The following ATG13 variants were observed in gnomAD, a reference collection of about 807,000 sequenced individuals.
ATG13 encodes autophagy related 13.
In ATG13, 23 loss-of-function variants were observed where a neutral mutation model predicts 65.5. The ratio of observed to expected loss-of-function variants is 0.35; its 90% confidence interval spans 0.25 to 0.50. The LOEUF (loss-of-function observed/expected upper bound fraction) is 0.50, where lower values mean the gene tolerates loss of function less well. Among genes scored for constraint, ATG13 ranks in the 20% least tolerant of loss-of-function variants. The pLI, the probability that ATG13 is intolerant of heterozygous loss-of-function variation, is 0.98. For synonymous variants in ATG13, 252 were observed against 245.2 expected (o/e 1.03, Z -0.26); for missense variants, 566 against 677.0 (o/e 0.84, Z 1.82).
chr11:46,634,046 G>T (rs538559811), intron 2 of ATG13, among the ~76,000 whole-genome samples: 1 of 151,904 alleles, frequency 6.6e-6, no homozygotes, highest in Non-Finnish European at 1.5e-5. Context: ...GCCTCTGATC[G>T]CCTTTTTGAA....
At position 46,649,098 on chromosome 11, in the gene ATG13, A is replaced by C. The variant is rs774128345; in HGVS notation, c.271-39A>C. 1.9e-6 allele frequency: 3 copies of C among 1,581,132 alleles called. No individual in the cohort carries two copies. The African/African-American group carries it at 4.1e-5, about 22-fold the overall frequency. On this transcript the variant is annotated intron_variant, in intron 5 of 18. Transcript: ENST00000683050. ...TGACTGTAATGCTTTGAAATTAAAA[A>C]TTTTTTAAACAAATATTTTAAATTT...
rs1419605730 is a variant in ATG13 at position 46,630,039 on chromosome 11, C to G, written c.-69-6C>G. ...TATTCACAGTCATGATCATATTTCTCTACAGCATCTTGGACTCAAGTGATT... is the reference window on the plus strand; with the variant it reads ...TATTCACAGTCATGATCATATTTCTGTACAGCATCTTGGACTCAAGTGATT... On this transcript the variant is annotated splice_polypyrimidine_tract_variant and splice_region_variant and intron_variant, in intron 1 of 18. Transcript: ENST00000683050. The G allele has an allele frequency of 6.6e-6, 1 of 152,176 alleles. No individual in the cohort carries two copies. Among genetic ancestry groups the G allele is most frequent in the African/African-American group, 2.4e-5 (1 of 41,440 alleles). 9.4% of individuals were successfully genotyped at this position (152,176 alleles called of 1,614,324 possible).
intron 2 of ATG13, among the ~76,000 whole-genome samples, chr11:46,633,675 G>A (rs1301813431): frequency 2.6e-5 from 4 of 152,208 alleles, no homozygotes. Context: ...GCTGCACATG[G>A]TGTTGCGAGT....
chr11:46,672,171 C>A, intron 18 of ATG13, 84 bp from the exon 19 acceptor site: 1 of 1,599,566 alleles, frequency 6.3e-7, no homozygotes, highest in Non-Finnish European at 8.5e-7. Context: ...GTCTTGCTTG[C>A]TGCCTCCCCT....
chr11:46,617,707 G>A lies in ATG13; in HGVS notation c.-253G>A, dbSNP rs1263439176. On this transcript the variant is annotated 5_prime_UTR_variant, in exon 1 of 19. Transcript: ENST00000683050. ...GGTGCGACAACTCGCGGAGTCTTAG[G>A]AGCAAAACGTCTGGGGCCTGCGAGC... The A allele has an allele frequency of 2.5e-6, 1 of 397,424 alleles. No individual in the cohort carries two copies. The allele number at this position is 397,424 out of a possible 1,614,324, so 24.6% of individuals were successfully genotyped here.
intron 2 of ATG13, among the ~76,000 whole-genome samples, chr11:46,639,568 C>T (rs2055177973): frequency 6.6e-6 from 1 of 152,020 alleles, no homozygotes; most frequent in African/African-American, 2.4e-5. Context: ...TATGCGGAGA[C>T]ACTGGGTTGC....
At chr11:46,672,186 G>A (rs570459501) in intron 18 of ATG13, 69 bp from the exon 19 acceptor site, 12 of 1,609,084 alleles carry the variant, frequency 7.5e-6, no homozygotes, top group East Asian at 4.5e-5. Context: ...TCCCCTCTTC[G>A]GGACTGGGCT....
At chr11:46,668,673 T>C (rs1375036078) in intron 16 of ATG13, 97 bp downstream of exon 16, 28 of 1,505,520 alleles carry the variant, frequency 1.9e-5, no homozygotes, top group Non-Finnish European at 1.0e-5. Flanking sequence ...CTATAAACCA[T>C]GGCCCCTCGG....
Position 46,664,950 on chromosome 11 carries a change from C to T in ATG13, c.990C>T (p.His330=). Residue 330 remains histidine (H), a synonymous_variant, in exon 13 of 19, where the codon CAC becomes CAT. Coordinates refer to ENST00000683050, the MANE Select transcript of ATG13 (RefSeq NM_001346311.2). ...TTGCTGCTGGCTTAAATGCTACACA[C>T]CCTCACCAGGTATCTTTAAAGATGG... ...VVFAAGLNAT[H]PHQLMVPGKE... 1 of 1,613,428 alleles carries T rather than the reference C, an allele frequency of 6.2e-7. No individual in the cohort carries two copies. The highest frequency in any genetic ancestry group is 8.5e-7 in the Non-Finnish European group (1 of 1,179,358).
intron 4 of ATG13, 101 bp from the exon 5 acceptor site, chr11:46,645,769 T>C: frequency 6.7e-7 from 1 of 1,490,192 alleles, no homozygotes; most frequent in Admixed American, 1.8e-5. Context: ...TTGTCTTCCT[T>C]AATCAGCCAC....
chr11:46,652,933 A>G (rs1010889187), intron 7 of ATG13, among the ~76,000 whole-genome samples: 3 of 151,974 alleles, frequency 2.0e-5, no homozygotes, highest in Non-Finnish European at 2.9e-5. Flanking sequence ...GCTTGTTTTT[A>G]TAAAAAAAGT....
chr11:46,668,993 C>G, intron 17 of ATG13, 83 bp downstream of exon 17: 1 of 1,143,320 alleles, frequency 8.7e-7, no homozygotes, highest in African/African-American at 1.5e-5. Flanking sequence ...TCCAGATTTC[C>G]TTCATAGGGA....
Position 46,657,520 on chromosome 11 carries a change from A to G in ATG13, c.597-4A>G. The G allele has an allele frequency of 1.2e-6, 2 of 1,612,320 alleles. No homozygotes were observed. The highest frequency in any genetic ancestry group is 1.7e-6 in the Non-Finnish European group (2 of 1,178,314). On this transcript the variant is annotated splice_region_variant and splice_polypyrimidine_tract_variant and intron_variant, in intron 9 of 18. Coordinates refer to ENST00000683050, the MANE Select transcript of ATG13 (RefSeq NM_001346311.2). ...AATACTGGAATCTGCTTATTGTATT[A>G]CAGGCAATTTGAGAGGACCCCACCT... is the stretch of plus-strand genomic sequence containing the variant.
intron 1 of ATG13, chr11:46,620,914 AAGT>A (rs1245758066): frequency 6.6e-6 from 1 of 152,220 alleles, no homozygotes; most frequent in Non-Finnish European, 1.5e-5. Context: ...AAAATGAAAG[AAGT>A]AATAACTTAG....
chr11:46,657,681 C>T, intron 10 of ATG13, 59 bp downstream of exon 10: 1 of 1,414,802 alleles, frequency 7.1e-7, no homozygotes, highest in Non-Finnish European at 9.7e-7. Flanking sequence ...ATCCATCCTG[C>T]ACAAGCACAT....
At chr11:46,635,072 G>A (rs2053491184) in intron 2 of ATG13, among the ~76,000 whole-genome samples, 3 of 150,800 alleles carry the variant, frequency 2.0e-5, no homozygotes, top group South Asian at 2.1e-4. Flanking sequence ...CAAGGGTGCT[G>A]TCTGAACTCA....
chr11:46,643,021 T>C (rs1466266036), intron 2 of ATG13, among the ~76,000 whole-genome samples: 1 of 152,206 alleles, frequency 6.6e-6, no homozygotes, highest in Non-Finnish European at 1.5e-5. Flanking sequence ...GGTTTTATAG[T>C]GCCTAGGTTC....
chr11:46,632,751 A>G (rs2052250846), intron 2 of ATG13, among the ~76,000 whole-genome samples: 1 of 152,082 alleles, frequency 6.6e-6, no homozygotes, highest in Non-Finnish European at 1.5e-5. Flanking sequence ...TGAAGTTTAT[A>G]GTGTGGGGTG....
At chr11:46,652,342 G>A (rs2059096212) in intron 7 of ATG13, among the ~76,000 whole-genome samples, 2 of 152,216 alleles carry the variant, frequency 1.3e-5, no homozygotes, top group South Asian at 4.1e-4. Context: ...CTAGAGATGT[G>A]GGTGATCTCA....
Sources: allele counts gnomAD v4.1 joint callset (sites outside exome capture counted in the v4.1 genomes callset), GRCh38; gene constraint gnomAD v4.1.1; transcripts MANE v1.5; gene names NCBI Gene and HGNC (gene_info 2026-07-23, HGNC 2026-07-21).